DNAH9: variants seen among roughly 807,000 people sequenced by gnomAD.
DNAH9 encodes the protein DNAH9 variant protein.
A neutral mutation model predicts 471.6 loss-of-function variants in DNAH9; 345 were observed. That is an observed-to-expected ratio of 0.73 (90% confidence interval 0.67 to 0.80). The LOEUF (loss-of-function observed/expected upper bound fraction) is 0.80. DNAH9 is among the 30% of genes least tolerant of loss of function. DNAH9 has a pLI of 0.00. For synonymous variants in DNAH9, 2,093 were observed against 2,123.6 expected (o/e 0.99, Z 0.40); for missense variants, 5,407 against 5,609.2 (o/e 0.96, Z 1.15).
intron 67 of DNAH9, among the ~76,000 whole-genome samples, chr17:11,953,247 ATTAGCCTG>A (rs1380844295): frequency 6.6e-6 from 1 of 152,164 alleles, no homozygotes; most frequent in Non-Finnish European, 1.5e-5. Context: ...AAGTTGCTGC[ATTAGCCTG>A]ACTTACCGTT....
In DNAH9 at chr17:11,669,186, C is replaced by G. The variant is rs1421647894; in HGVS notation, c.2854C>G (p.Leu952Val). 1 of 1,613,928 alleles carries G rather than the reference C, an allele frequency of 6.2e-7. No homozygotes were observed. Among genetic ancestry groups the G allele is most frequent in the Admixed American group, 1.7e-5 (1 of 60,014 alleles). The change falls in exon 16 of 69, where the codon CTC (leucine) becomes GTC (valine). Residue 952 changes from leucine to valine, a missense_variant. Around this residue, in one of 3 missense-constraint regions of DNAH9, gnomAD observed 4,636 missense variants for 4,900.3 expected, o/e 0.95. Transcript: ENST00000262442. Reference protein sequence around the residue: ...KGGFCDIVEGLITSIFRIPSL... With the variant: ...KGGFCDIVEGVITSIFRIPSL... Reference sequence around the variant, plus strand: ...GGGTTTCTGTGACATTGTTGAGGGTCTCATCACCAGCATTTTTAGGATACC... The same window carrying G: ...GGGTTTCTGTGACATTGTTGAGGGTGTCATCACCAGCATTTTTAGGATACC...
rs563841423 is a variant in DNAH9 at position 11,714,935 on chromosome 17, A to G, written c.5553-4399A>G. 1.2e-4 allele frequency among the ~76,000 whole-genome samples: 19 copies of G among 152,284 alleles called. No individual in the cohort carries two copies. The South Asian group carries it at 3.1e-3, about 25-fold the overall frequency. On this transcript the variant is annotated intron_variant, in intron 26 of 68. Transcript: ENST00000262442. ...TCCAGATAATAGTCCAGCCCAGCCA[A>G]CACCTTGACTCTGGCCTTGTGAGAC...
intron 14 of DNAH9, among the ~76,000 whole-genome samples, chr17:11,663,120 G>A (rs2073806049): frequency 6.6e-6 from 1 of 152,132 alleles, no homozygotes; most frequent in South Asian, 2.1e-4. Flanking sequence ...AACTTATGGT[G>A]TTTCCAGGGT....
chr17:11,790,671 A>G (rs1022636273), intron 41 of DNAH9, among the ~76,000 whole-genome samples: 3 of 151,842 alleles, frequency 2.0e-5, no homozygotes, highest in Admixed American at 6.6e-5. Flanking sequence ...TTTATATAAT[A>G]ATATATTTAT....
At chr17:11,600,234 C>T (rs1012887084) in intron 1 of DNAH9, among the ~76,000 whole-genome samples, 1 of 152,154 alleles carries the variant, frequency 6.6e-6, no homozygotes, top group African/African-American at 2.4e-5. Context: ...TGAATGTTGA[C>T]GATAGAAAGT....
chr17:11,646,846 G>A (rs2073401954), intron 11 of DNAH9, among the ~76,000 whole-genome samples: 1 of 152,222 alleles, frequency 6.6e-6, no homozygotes, highest in African/African-American at 2.4e-5. Flanking sequence ...CCGGGAGGCA[G>A]AGGTTGCAGT....
At chr17:11,691,705 C>G (rs1314415372) in intron 20 of DNAH9, among the ~76,000 whole-genome samples, 1 of 152,310 alleles carries the variant, frequency 6.6e-6, no homozygotes, top group Middle Eastern at 3.4e-3. Flanking sequence ...CCAGATATTT[C>G]AGATACTTCT....
At chr17:11,654,355 C>CAAAAAAAAAAAAAAAAAAAA (rs527835262) in intron 14 of DNAH9, among the ~76,000 whole-genome samples, 7 of 11,258 alleles carry the variant, frequency 6.2e-4, no homozygotes, top group Admixed American at 1.8e-3. Flanking sequence ...GACTCCGTCT[C>CAAAAAAAAAAAAAAAAAAAA]AAAAAAAAAA....
rs759458594 is a variant in DNAH9 at position 11,598,569 on chromosome 17, G to A, written c.71G>A (p.Arg24Gln). 26 of 1,406,126 alleles carry A rather than the reference G, an allele frequency of 1.8e-5. No individual in the cohort carries two copies. Among genetic ancestry groups the A allele is most frequent in the Non-Finnish European group, 2.4e-5 (26 of 1,087,896 alleles). 87.1% of individuals were successfully genotyped at this position (1,406,126 alleles called of 1,614,324 possible). The change falls in exon 1 of 69, where the codon CGA (arginine) becomes CAA (glutamine). Residue 24 changes from arginine to glutamine, a missense_variant. Around this residue, in one of 3 missense-constraint regions of DNAH9, gnomAD observed 767 missense variants for 692.5 expected, o/e 1.11. Transcript: ENST00000262442. ...GATGGGGAACCCGGCGCCGACCGAC[G>A]ACTGCGACTCCTGGGGACCTACGTG... is the stretch of plus-strand genomic sequence containing the variant. ...NADGEPGADR[R>Q]LRLLGTYVAM... is the part of the protein sequence containing the mutation.
At chr17:11,852,016 G>A (rs1971440812) in intron 49 of DNAH9, among the ~76,000 whole-genome samples, 1 of 152,096 alleles carries the variant, frequency 6.6e-6, no homozygotes, top group Non-Finnish European at 1.5e-5. Context: ...ACCTCAGGGG[G>A]CCGTGACAAC....
At chr17:11,903,016 A>G in intron 60 of DNAH9, 104 bp downstream of exon 60, 1 of 1,259,106 alleles carries the variant, frequency 7.9e-7, no homozygotes, top group Non-Finnish European at 1.1e-6. Flanking sequence ...TGTATATAGT[A>G]GTTTCCTGGA....
intron 10 of DNAH9, among the ~76,000 whole-genome samples, chr17:11,643,688 G>A (rs1242950955): frequency 6.6e-6 from 1 of 152,070 alleles, no homozygotes; most frequent in Admixed American, 6.6e-5. Context: ...TGATCAACAC[G>A]CTCTATGATC....
chr17:11,664,400 A>C (rs2073831443), intron 14 of DNAH9, among the ~76,000 whole-genome samples: 1 of 152,216 alleles, frequency 6.6e-6, no homozygotes, highest in Admixed American at 6.5e-5. Context: ...CTAAGAATTA[A>C]CCAGAAAATG....
chr17:11,936,376 T>C (rs1974714925), intron 65 of DNAH9, among the ~76,000 whole-genome samples: 1 of 152,162 alleles, frequency 6.6e-6, no homozygotes, highest in African/African-American at 2.4e-5. Flanking sequence ...CCGCCTGTAA[T>C]CCCAGAACTT....
chr17:11,772,267 AAAATT>A (rs1340128608), intron 38 of DNAH9, among the ~76,000 whole-genome samples: 1 of 152,014 alleles, frequency 6.6e-6, no homozygotes, highest in Non-Finnish European at 1.5e-5. Context: ...ATAATCTAAT[AAAATT>A]AAACAGAAAA....
chr17:11,711,647 C>G (rs2074829025), intron 26 of DNAH9, among the ~76,000 whole-genome samples: 1 of 151,372 alleles, frequency 6.6e-6, no homozygotes, highest in Admixed American at 6.6e-5. Flanking sequence ...TTTCAAATGA[C>G]AAATTCAAAA....
At position 11,804,013 on chromosome 17, in the gene DNAH9, A is replaced by T. The variant is rs188740542; in HGVS notation, c.8421-3719A>T. On this transcript the variant is annotated intron_variant, in intron 43 of 68. Transcript: ENST00000262442. ...ATTGCGTACATCACCCCAAATGTGG[A>T]GCTCATATAAGGCATGGGTTGTTCT... Among the ~76,000 whole-genome samples, 3 of 152,354 alleles carry T rather than the reference A, an allele frequency of 2.0e-5. No homozygotes were observed. In the East Asian group the frequency reaches 5.8e-4, roughly 29 times the overall value.
chr17:11,736,801 T>G (rs945063240), intron 28 of DNAH9, among the ~76,000 whole-genome samples: 2 of 152,156 alleles, frequency 1.3e-5, no homozygotes, highest in Non-Finnish European at 2.9e-5. Flanking sequence ...TGGGCTTCGG[T>G]GTTTCGAGAG....
intron 14 of DNAH9, 104 bp from the exon 15 acceptor site, chr17:11,664,729 A>C (rs186929259): frequency 3.2e-6 from 3 of 933,330 alleles, no homozygotes; most frequent in Admixed American, 2.5e-5. Context: ...ATTCTCCACA[A>C]GAGAGTTTTT....
Sources: gnomAD v4.1 joint callset for allele counts (sites outside exome capture counted in the v4.1 genomes callset) on GRCh38, gnomAD v4.1.1 for gene constraint, gnomAD v4.1.1 regional missense constraint, MANE v1.5 for transcripts, NCBI Gene and HGNC (gene_info 2026-07-23, HGNC 2026-07-21) for gene names.